The following SEC11A variants were observed in gnomAD, a reference collection of about 807,000 sequenced individuals.
SEC11A encodes the protein SEC11 homolog A, signal peptidase complex subunit.
SEC11A carries 14 observed loss-of-function variants against 25.6 expected under a neutral mutation model. That is an observed-to-expected ratio of 0.55 (90% CI 0.36 to 0.85). The LOEUF is 0.85. Ranked by LOEUF, SEC11A falls within the 40% of genes least tolerant of loss-of-function variation. The probability of loss-of-function intolerance (pLI) is 0.01; values close to 1 mark genes in which losing one functional copy is unlikely to be tolerated. For synonymous variants in SEC11A, 83 were observed against 76.4 expected (o/e 1.09, Z -0.45); for missense variants, 153 against 222.9 (o/e 0.69, Z 2.00).
At chr15:84,705,135 G>A (rs961242731) in intron 1 of SEC11A, among the ~76,000 whole-genome samples, 3 of 152,122 alleles carry the variant, frequency 2.0e-5, no homozygotes. Context: ...ATATTGCCCA[G>A]GCTGGTCTTG....
chr15:84,711,027 G>A (rs920806919), intron 1 of SEC11A, among the ~76,000 whole-genome samples: 14 of 150,414 alleles, frequency 9.3e-5, no homozygotes, highest in Admixed American at 2.7e-4. Flanking sequence ...CCGAGGTCGA[G>A]CCATTGCACT....
intron 1 of SEC11A, among the ~76,000 whole-genome samples, chr15:84,699,061 TC>T (rs1897847301): frequency 6.6e-6 from 1 of 152,112 alleles, no homozygotes; most frequent in East Asian, 1.9e-4. Flanking sequence ...ATGCCTATAC[TC>T]CCAGCACTTT....
At chr15:84,675,000 T>C (rs951860742) in intron 4 of SEC11A, among the ~76,000 whole-genome samples, 4 of 152,166 alleles carry the variant, frequency 2.6e-5, no homozygotes, top group African/African-American at 9.7e-5. Context: ...AAAGATTTAA[T>C]TGTCTGTACC....
chr15:84,713,193 C>CAA (rs776219142), intron 1 of SEC11A, among the ~76,000 whole-genome samples: 25 of 58,090 alleles, frequency 4.3e-4, no homozygotes, highest in African/African-American at 1.1e-3. Flanking sequence ...GACTCCGTCT[C>CAA]AAAAAAAAAA....
intron 5 of SEC11A, 59 bp from the exon 6 acceptor site, chr15:84,670,128 A>G (rs1896943812): frequency 2.6e-6 from 4 of 1,537,752 alleles, no homozygotes; most frequent in East Asian, 2.3e-5. Context: ...AGAGGTTCTA[A>G]GAGTTAATTA....
chr15:84,669,857 CCA>C lies in SEC11A; in HGVS notation c.*160_*161del. ...CACTCTGTGGTGCACATGCGCCCGC[CCA>C]CACAAACTCTGGCATGGAAACATAA... is the stretch of plus-strand genomic sequence containing the variant. On this transcript the variant is annotated 3_prime_UTR_variant, in exon 6 of 6. Coordinates refer to ENST00000268220, the MANE Select transcript of SEC11A (RefSeq NM_014300.4). The C allele has an allele frequency of 1.5e-6, 2 of 1,355,746 alleles. No homozygotes were observed. Among genetic ancestry groups the C allele is most frequent in the Non-Finnish European group, 2.0e-6 (2 of 983,242 alleles). The allele number at this position is 1,355,746 out of a possible 1,614,324, so 84.0% of individuals were successfully genotyped here.
At chr15:84,679,130 AT>A (rs1897219124) in intron 4 of SEC11A, 1 of 382,874 alleles carries the variant, frequency 2.6e-6, no homozygotes, top group African/African-American at 2.1e-5. Flanking sequence ...TTGCTTTTTG[AT>A]TATTGATATT....
chr15:84,713,719 A>G (rs146592448), intron 1 of SEC11A, among the ~76,000 whole-genome samples: 1 of 152,206 alleles, frequency 6.6e-6, no homozygotes, highest in Non-Finnish European at 1.5e-5. Flanking sequence ...TTAGAGCAGG[A>G]AGAGTACCTT....
intron 4 of SEC11A, chr15:84,679,996 T>C: frequency 6.8e-7 from 1 of 1,461,208 alleles, no homozygotes; most frequent in African/African-American, 1.4e-5. Context: ...TAATATAACT[T>C]TTTAATTTCA....
chr15:84,710,977 G>A (rs1375504620), intron 1 of SEC11A, among the ~76,000 whole-genome samples: 1 of 151,928 alleles, frequency 6.6e-6, no homozygotes, highest in Non-Finnish European at 1.5e-5. Context: ...AGCTGAGGCA[G>A]GAGAATCGCT....
At chr15:84,678,821 C>G (rs1178400781) in intron 4 of SEC11A, among the ~76,000 whole-genome samples, 1 of 151,854 alleles carries the variant, frequency 6.6e-6, no homozygotes, top group Non-Finnish European at 1.5e-5. Context: ...ATCGAGACCC[C>G]ATCTCTACTA....
At chr15:84,678,501 T>C (rs1897199194) in intron 4 of SEC11A, among the ~76,000 whole-genome samples, 1 of 152,160 alleles carries the variant, frequency 6.6e-6, no homozygotes. Flanking sequence ...CTGAATAAAA[T>C]CTATATGTTC....
At chr15:84,700,108 G>A (rs1182043295) in intron 1 of SEC11A, among the ~76,000 whole-genome samples, 1 of 151,928 alleles carries the variant, frequency 6.6e-6, no homozygotes, top group East Asian at 1.9e-4. Flanking sequence ...TAACTTGCCT[G>A]TAACCCAGAA....
chr15:84,678,613 G>C (rs1897201976), intron 4 of SEC11A, among the ~76,000 whole-genome samples: 1 of 152,172 alleles, frequency 6.6e-6, no homozygotes, highest in Non-Finnish European at 1.5e-5. Flanking sequence ...AAATACGCTA[G>C]TAATTTTTTG....
rs530443514 is a variant in SEC11A, at chr15:84,691,233, C to A, written c.161+302G>T. ...GAGACTACAGGTCCATGCCACCACA[C>A]CCGCTAATTTTTGTATTTTTTGTGG... On this transcript the variant is annotated intron_variant, in intron 2 of 5. Coordinates refer to ENST00000268220, the MANE Select transcript of SEC11A (RefSeq NM_014300.4). Among the ~76,000 whole-genome samples the A allele has an allele frequency of 6.6e-5, 10 of 152,054 alleles. No individual in the cohort carries two copies. The East Asian group carries it at 1.9e-3, about 29-fold the overall frequency.
Position 84,687,667 on chromosome 15 carries a change from C to T in SEC11A, c.269G>A (p.Arg90Lys), listed in dbSNP as rs753848081. The change falls in exon 3 of 6, where the codon AGA becomes AAA. Residue 90 changes from arginine (R) to lysine (K), a missense_variant. Physicochemically the swap from Arg to Lys is conservative, Grantham distance 26. Transcript: ENST00000268220. The stretch of plus-strand genomic sequence containing the variant: ...GACTCGGTGAACTATAGGAATCTCT[C>T]TTCCTTCTATCCTAAAAACAACAAT... ...GEIVVFRIEGREIPIVHRVLK... is the reference protein window; with the variant it reads ...GEIVVFRIEGKEIPIVHRVLK... 6 of 1,596,350 alleles carry T rather than the reference C, an allele frequency of 3.8e-6. No individual in the cohort carries two copies. The East Asian group carries it at 1.1e-4, about 30-fold the overall frequency.
At chr15:84,671,825 C>T (rs577937083) in intron 4 of SEC11A, 1 of 152,278 alleles carries the variant, frequency 6.6e-6, no homozygotes, top group African/African-American at 2.4e-5. Flanking sequence ...TGGGGAAATC[C>T]TATTTTCTCC....
intron 1 of SEC11A, among the ~76,000 whole-genome samples, chr15:84,712,090 A>G (rs909190075): frequency 6.6e-6 from 1 of 152,026 alleles, no homozygotes; most frequent in Non-Finnish European, 1.5e-5. Flanking sequence ...AAAATACAAA[A>G]ATTAGCCAGG....
intron 1 of SEC11A, among the ~76,000 whole-genome samples, chr15:84,706,026 C>T (rs1331770949): frequency 6.6e-6 from 1 of 151,614 alleles, no homozygotes. Flanking sequence ...ATTCTCCTGC[C>T]TCTACTGAGT....
Sources: allele counts gnomAD v4.1 joint callset (sites outside exome capture counted in the v4.1 genomes callset), GRCh38; gene constraint gnomAD v4.1.1; transcripts MANE v1.5; gene names NCBI Gene and HGNC (gene_info 2026-07-23, HGNC 2026-07-21).